SPACA6: variants seen among roughly 807,000 people sequenced by gnomAD.
SPACA6 encodes the protein sperm acrosome associated 6, also known as sperm acrosome membrane-associated protein 6.
For synonymous variants in SPACA6, 6 were observed against 1.5 expected, an observed-to-expected ratio of 4.05 and a Z score of -2.21; for missense variants, 8 against 2.8, an observed-to-expected ratio of 2.88 and a Z score of -1.34.
upstream of SPACA6, chr19:51,686,869 C>A (rs1325924298): frequency 6.6e-6 from 1 of 152,196 alleles, no homozygotes; most frequent in Non-Finnish European, 1.5e-5. Context: ...TAAAGGGTAT[C>A]TGTTGTCATT....
rs1274740439 is a variant in SPACA6, at chr19:51,694,517, A to T, written c.254A>T (p.Gln85Leu). The T allele has an allele frequency of 1.8e-5, 7 of 399,704 alleles. No individual in the cohort carries two copies. The highest frequency in any genetic ancestry group is 1.2e-4 in the African/African-American group (6 of 48,756). The allele number at this position is 399,704 out of a possible 1,614,324, so 24.8% of individuals were successfully genotyped here. ...ERSHLHDTFT[Q>L]MTHALQELAA... ...AGCCACCTGCATGACACCTTCACCC[A>T]GATGACCCATGCCCTGCAGGAGCTG... Residue 85 changes from glutamine (Q) to leucine (L), a missense_variant, in exon 2 of 9, where the codon CAG (glutamine) becomes CTG (leucine). By Grantham distance (113) the Gln-to-Leu change is moderately radical (BLOSUM62 -2). Transcript: ENST00000637797.
chr19:51,685,250 G>T (rs1341519030), upstream of SPACA6: 1 of 152,156 alleles, frequency 6.6e-6, no homozygotes, highest in Non-Finnish European at 1.5e-5. Flanking sequence ...TGAGAATGGT[G>T]GCCCCTGTGT....
At chr19:51,712,690 G>A (rs773689329), downstream of SPACA6, among the ~76,000 whole-genome samples, 1 of 152,182 alleles carries the variant, frequency 6.6e-6, no homozygotes, top group Non-Finnish European at 1.5e-5. Flanking sequence ...GGGCAAGTGA[G>A]TGGGAAGACG....
chr19:51,698,528 A>T (rs1056852569), intron 2 of SPACA6, among the ~76,000 whole-genome samples: 1 of 151,972 alleles, frequency 6.6e-6, no homozygotes, highest in African/African-American at 2.4e-5. Flanking sequence ...CTGGCCTCTC[A>T]TTTGTGCACC....
chr19:51,683,466 C>T, the SPACA6 span, among the ~76,000 whole-genome samples: 1 of 151,884 alleles, frequency 6.6e-6, no homozygotes, highest in East Asian at 1.9e-4. Flanking sequence ...ACAGGTATGA[C>T]AGATAACTTT....
At chr19:51,699,207 A>T (rs2083450939) in intron 2 of SPACA6, among the ~76,000 whole-genome samples, 1 of 152,000 alleles carries the variant, frequency 6.6e-6, no homozygotes, top group African/African-American at 2.4e-5. Flanking sequence ...TGGTGTCTGG[A>T]TATGTTGCCC....
rs1600143298 is a variant in SPACA6 at position 51,703,878 on chromosome 19, T to G, written c.574-152T>G. The G allele has an allele frequency of 2.6e-6, 1 of 386,508 alleles. No individual in the cohort carries two copies. The allele number at this position is 386,508 out of a possible 1,614,324, so 23.9% of individuals were successfully genotyped here. A position where few individuals can be genotyped will look rare whatever the true frequency, so the allele number is the denominator to read the frequency against. On this transcript the variant is annotated intron_variant, in intron 6 of 8. Coordinates refer to ENST00000637797, the MANE Select transcript of SPACA6 (RefSeq NM_001316972.2). This position sits in a 1 kb window ranked among gnomAD's most constrained non-coding sequence, Gnocchi z 4.2. The stretch of plus-strand genomic sequence containing the variant: ...GGGTTTAAGGAGTGAGGGGAAGGGG[T>G]GCGTTTAGGGCAGGGGAGCGAGAAG...
At chr19:51,694,407 A>G in intron 1 of SPACA6, 71 bp from the exon 2 acceptor site, 1 of 397,996 alleles carries the variant, frequency 2.5e-6, no homozygotes, top group Non-Finnish European at 4.4e-6. Context: ...CAGAAACAGA[A>G]TGTTCGCATT....
rs562505028 is a variant in SPACA6 at position 51,695,939 on chromosome 19, C to T, written c.292+1384C>T. 7.2e-5 allele frequency among the ~76,000 whole-genome samples: 11 copies of T among 152,172 alleles called. No homozygotes were observed. In the East Asian group the frequency reaches 1.5e-3, roughly 21 times the overall value. On this transcript the variant is annotated intron_variant, in intron 2 of 8. Coordinates refer to ENST00000637797, the MANE Select transcript of SPACA6 (RefSeq NM_001316972.2). ...CAGGTCCTGCTCTGTGCCTGTTGGG[C>T]GGTGGGTCATCACCGAAATAAGGAG...
At position 51,694,241 on chromosome 19, in the gene SPACA6, G is replaced by A. The variant is rs142059024; in HGVS notation, c.215-237G>A. 4.5e-3 allele frequency: 1,664 copies of A among 372,952 alleles called. 19 individuals are homozygous for A. The highest frequency in any genetic ancestry group is 0.031 in the African/African-American group (1,474 of 48,194). The allele number at this position is 372,952 out of a possible 1,614,324, so 23.1% of individuals were successfully genotyped here. A position where few individuals can be genotyped will look rare whatever the true frequency, so the allele number is the denominator to read the frequency against. ...GAGGATGGAAACCCAGAGAGAGGAGGACAGAGATGAGGCAGAGACTAGGGG... is the reference window on the plus strand; with the variant it reads ...GAGGATGGAAACCCAGAGAGAGGAGAACAGAGATGAGGCAGAGACTAGGGG... On this transcript the variant is annotated intron_variant, in intron 1 of 8. Transcript: ENST00000637797.
chr19:51,710,483 G>A (rs1420333826), intron 2 of SPACA6, among the ~76,000 whole-genome samples: 1 of 152,204 alleles, frequency 6.6e-6, no homozygotes, highest in African/African-American at 2.4e-5. Flanking sequence ...GGAGGAGCAG[G>A]TTTCACGGGG....
chr19:51,708,455 C>A (rs539356383), downstream of SPACA6, among the ~76,000 whole-genome samples: 2 of 152,244 alleles, frequency 1.3e-5, no homozygotes, highest in Admixed American at 6.5e-5. Context: ...TGTGGAGAAG[C>A]CCTCACTGAG....
intron 2 of SPACA6, among the ~76,000 whole-genome samples, chr19:51,699,620 A>G (rs901859379): frequency 1.3e-5 from 2 of 152,134 alleles, no homozygotes; most frequent in African/African-American, 4.8e-5. Context: ...TTTGGCTTGT[A>G]GATGCCTTCC....
upstream of SPACA6, among the ~76,000 whole-genome samples, chr19:51,688,911 G>A (rs62106942): frequency 4.3e-5 from 5 of 116,508 alleles, no homozygotes; most frequent in South Asian, 3.1e-4. Flanking sequence ...GGGAGAGAGA[G>A]AGAGAGAGAA....
Position 51,702,613 on chromosome 19 carries a change from TC to T in SPACA6, c.362-14del. ...CCCATGACTGTAAGGTAGTGATGTT[TC>T]CTCTTCCTCCACAGCCCAGGCTTGC... is the stretch of plus-strand genomic sequence containing the variant. On this transcript the variant is annotated splice_polypyrimidine_tract_variant and intron_variant, in intron 3 of 8. Coordinates refer to ENST00000637797, the MANE Select transcript of SPACA6 (RefSeq NM_001316972.2). The T allele has an allele frequency of 2.5e-6, 1 of 399,086 alleles. No individual in the cohort carries two copies. Among genetic ancestry groups the T allele is most frequent in the Non-Finnish European group, 4.4e-6 (1 of 226,128 alleles). 24.7% of individuals were successfully genotyped at this position (399,086 alleles called of 1,614,324 possible). A position where few individuals can be genotyped will look rare whatever the true frequency, so the allele number is the denominator to read the frequency against.
rs1238849069 is a variant in SPACA6, at chr19:51,703,978, G to A, written c.574-52G>A. On this transcript the variant is annotated intron_variant, in intron 6 of 8. Coordinates refer to ENST00000637797, the MANE Select transcript of SPACA6 (RefSeq NM_001316972.2). This position sits in a 1 kb window ranked among gnomAD's most constrained non-coding sequence, Gnocchi z 4.2. ...CTGGCTCGGGGGGCGGGGCTTGTAG[G>A]TTACTCAGTGGCAAGCCGGAGTTGA... 2 of 399,862 alleles carry A rather than the reference G, an allele frequency of 5.0e-6. No homozygotes were observed. Among genetic ancestry groups the A allele is most frequent in the East Asian group, 7.1e-5 (2 of 28,052 alleles). The allele number at this position is 399,862 out of a possible 1,614,324, so 24.8% of individuals were successfully genotyped here.
At chr19:51,695,023 A>AAC (rs199979393) in intron 2 of SPACA6, among the ~76,000 whole-genome samples, 3 of 151,922 alleles carry the variant, frequency 2.0e-5, no homozygotes, top group Non-Finnish European at 2.9e-5. Context: ...TCTAGGATAG[A>AAC]ACACACACAC....
chr19:51,684,976 A>G (rs1199230024), upstream of SPACA6, among the ~76,000 whole-genome samples: 1 of 152,216 alleles, frequency 6.6e-6, no homozygotes, highest in Non-Finnish European at 1.5e-5. Context: ...CTATCGGATT[A>G]TCTTGGTTTT....
chr19:51,694,461 C>G lies in SPACA6; in HGVS notation c.215-17C>G. On this transcript the variant is annotated splice_polypyrimidine_tract_variant and intron_variant, in intron 1 of 8. Transcript: ENST00000637797. ...GGAGCTGCCTCCCCCAGCCCCTGCTCCCTCCCTCACCGCCAGACTATGATG... is the reference window on the plus strand; with the variant it reads ...GGAGCTGCCTCCCCCAGCCCCTGCTGCCTCCCTCACCGCCAGACTATGATG... The G allele has an allele frequency of 2.5e-6, 1 of 399,660 alleles. No individual in the cohort carries two copies. Among genetic ancestry groups the G allele is most frequent in the Non-Finnish European group, 4.4e-6 (1 of 226,526 alleles). 24.8% of individuals were successfully genotyped at this position (399,660 alleles called of 1,614,324 possible).
Sources: allele counts gnomAD v4.1 joint callset (sites outside exome capture counted in the v4.1 genomes callset), GRCh38; gene constraint gnomAD v4.1.1; non-coding constraint Gnocchi (gnomAD v3.1); transcripts MANE v1.5; gene names NCBI Gene and HGNC (gene_info 2026-07-23, HGNC 2026-07-21).